Variants in MTA3 observed in about 807,000 individuals in gnomAD.
MTA3 encodes metastasis associated 1 family member 3, also known as metastasis-associated protein MTA3.
MTA3 carries 34 observed loss-of-function variants against 83.5 expected under a neutral mutation model. The ratio of observed to expected loss-of-function variants is 0.41; its 90% CI spans 0.31 to 0.54. MTA3 has a LOEUF of 0.54. Among genes scored for constraint, MTA3 ranks in the 20% least tolerant of loss-of-function variants. MTA3 has a pLI of 0.33. For missense variants in MTA3, 761 were observed against 726.4 expected (o/e 1.05, Z -0.55); for synonymous variants, 303 against 252.7 (o/e 1.20, Z -1.89).
chr2:42,587,508 G>A (rs776380711), intron 3 of MTA3, among the ~76,000 whole-genome samples: 2 of 151,956 alleles, frequency 1.3e-5, no homozygotes, highest in African/African-American at 2.4e-5. Flanking sequence ...GTATACACAC[G>A]TTCTTTCCTT....
rs368720301 is a variant in MTA3, at chr2:42,752,503, T to TTTACTTGTCTCTGCTGTA, written c.1760-870_1760-853dup. On this transcript the variant is annotated intron_variant, in intron 16 of 16. Transcript: ENST00000405094. ...TTTGCAGGCCACTTCTGCTTTTTCATTTACTTGTCTCTGCTGTAGTCTCCA... is the reference window on the plus strand; with the variant it reads ...TTTGCAGGCCACTTCTGCTTTTTCATTTACTTGTCTCTGCTGTATTACTTGTCTCTGCTGTAGTCTCCA... Among the ~76,000 whole-genome samples the TTTACTTGTCTCTGCTGTA allele has an allele frequency of 7.9e-3, 1,203 of 152,304 alleles. 14 individuals are homozygous for TTTACTTGTCTCTGCTGTA. Among genetic ancestry groups the TTTACTTGTCTCTGCTGTA allele is most frequent in the African/African-American group, 0.027 (1,103 of 41,552 alleles).
At chr2:42,752,262 T>TG (rs1669930597) in intron 16 of MTA3, 1 of 471,334 alleles carries the variant, frequency 2.1e-6, no homozygotes, top group Non-Finnish European at 4.4e-6. Flanking sequence ...GACACAGCTC[T>TG]GCTCCATCCT....
chr2:42,752,523 T>C (rs530401555), intron 16 of MTA3, among the ~76,000 whole-genome samples: 3 of 152,152 alleles, frequency 2.0e-5, no homozygotes, highest in African/African-American at 4.8e-5. Flanking sequence ...TCTGCTGTAG[T>C]CTCCAGATGG....
At chr2:42,512,026 A>T (rs945498264) in intron 2 of MTA3, among the ~76,000 whole-genome samples, 2 of 151,600 alleles carry the variant, frequency 1.3e-5, no homozygotes, top group Non-Finnish European at 2.9e-5. Flanking sequence ...CAAAAAAAAT[A>T]AATAAATAAA....
chr2:42,581,592 G>A (rs1371856136), intron 3 of MTA3, among the ~76,000 whole-genome samples: 2 of 150,056 alleles, frequency 1.3e-5, no homozygotes, highest in Non-Finnish European at 3.0e-5. Context: ...TATGTTGCCA[G>A]GGTGGGTCTC....
chr2:42,667,145 G>A (rs755005487), intron 8 of MTA3, among the ~76,000 whole-genome samples: 3 of 152,234 alleles, frequency 2.0e-5, no homozygotes, highest in African/African-American at 7.2e-5. Flanking sequence ...CTGGGATCAA[G>A]CAATCCTCTT....
upstream of MTA3, among the ~76,000 whole-genome samples, chr2:42,567,492 T>C (rs1677969057): frequency 1.3e-5 from 2 of 152,292 alleles, no homozygotes; most frequent in Admixed American, 1.3e-4. Context: ...CACACAGCTG[T>C]GTATCACCAC....
At chr2:42,652,044 C>T (rs1176244087) in intron 6 of MTA3, among the ~76,000 whole-genome samples, 1 of 151,752 alleles carries the variant, frequency 6.6e-6, no homozygotes, top group African/African-American at 2.4e-5. Context: ...TTGCAGTGAG[C>T]CAAGATCACG....
At position 42,575,817 on chromosome 2, in the gene MTA3, C is replaced by A. The variant is rs1438836626; in HGVS notation, c.97-3290C>A. On this transcript the variant is annotated intron_variant, in intron 2 of 16. Coordinates refer to ENST00000405094, the MANE Select transcript of MTA3 (RefSeq NM_001330442.2). ...CTAGGTGAACATAGCTTATTTCACA[C>A]TCCTTTATCATTTCATGGCCATTCA... Among the ~76,000 whole-genome samples, 5 of 152,300 alleles carry A rather than the reference C, an allele frequency of 3.3e-5. No individual in the cohort carries two copies. The East Asian group carries it at 9.6e-4, about 29-fold the overall frequency.
At chr2:42,743,448 A>G (rs906705856) in intron 16 of MTA3, among the ~76,000 whole-genome samples, 2 of 152,182 alleles carry the variant, frequency 1.3e-5, no homozygotes, top group Admixed American at 1.3e-4. Flanking sequence ...GGCTCAGAAG[A>G]GAGATGAGTT....
Position 42,651,068 on chromosome 2 carries a change from T to TACA in MTA3, c.500-5130_500-5129insAAC, listed in dbSNP as rs145989222. On this transcript the variant is annotated intron_variant, in intron 6 of 16. Transcript: ENST00000405094. ...CAGGCTACAAACCTGTACAGCATGTTACTATACTGAATACTGTAGGGAATT... is the reference window on the plus strand; with the variant it reads ...CAGGCTACAAACCTGTACAGCATGTTACAACTATACTGAATACTGTAGGGAATT... Among the ~76,000 whole-genome samples, 216 of 152,350 alleles carry TACA rather than the reference T, an allele frequency of 1.4e-3. 2 individuals carry two copies. The East Asian group carries it at 0.025, about 18-fold the overall frequency.
At chr2:42,677,098 G>A (rs186840675) in intron 8 of MTA3, among the ~76,000 whole-genome samples, 2 of 152,058 alleles carry the variant, frequency 1.3e-5, no homozygotes, top group Admixed American at 6.5e-5. Flanking sequence ...TATAAATTAG[G>A]CACAGTAAGA....
chr2:42,724,046 CT>C (rs1326712846), intron 16 of MTA3, among the ~76,000 whole-genome samples: 3 of 152,044 alleles, frequency 2.0e-5, no homozygotes, highest in African/African-American at 7.2e-5. Flanking sequence ...GAAACACTTC[CT>C]TTCTAATGAG....
intron 2 of MTA3, among the ~76,000 whole-genome samples, chr2:42,530,242 C>T (rs753391040): frequency 6.6e-6 from 1 of 151,268 alleles, no homozygotes; most frequent in Non-Finnish European, 1.5e-5. Flanking sequence ...GTAATCCCAG[C>T]ACTTTGGGAG....
chr2:42,615,041 G>C (rs1034120596), intron 4 of MTA3, among the ~76,000 whole-genome samples: 1 of 150,434 alleles, frequency 6.6e-6, no homozygotes, highest in Non-Finnish European at 1.5e-5. Context: ...CTGTAATCCC[G>C]GCACTTCTGG....
chr2:42,587,371 G>A (rs1680464960), intron 3 of MTA3, among the ~76,000 whole-genome samples: 1 of 152,014 alleles, frequency 6.6e-6, no homozygotes, highest in African/African-American at 2.4e-5. Flanking sequence ...AATGTATTCA[G>A]TGTAAAAACT....
chr2:42,513,461 C>A (rs937385254), intron 2 of MTA3, among the ~76,000 whole-genome samples: 1 of 152,098 alleles, frequency 6.6e-6, no homozygotes, highest in African/African-American at 2.4e-5. Context: ...ATGACTTCAC[C>A]CAGGAAAAGG....
In MTA3 at chr2:42,547,485, C is replaced by A. The variant is rs183280509; in HGVS notation, c.-140-22952C>A. Among the ~76,000 whole-genome samples, 3 of 152,354 alleles carry A rather than the reference C, an allele frequency of 2.0e-5. No individual in the cohort carries two copies. In the East Asian group the frequency reaches 5.8e-4, roughly 29 times the overall value. Reference sequence around the variant, plus strand: ...AGCTGGGATTACAGGCACGCGCCAACGCGCCCGGCTAATTTTTGTATTTTT... The same window carrying A: ...AGCTGGGATTACAGGCACGCGCCAAAGCGCCCGGCTAATTTTTGTATTTTT... On this transcript the variant is annotated intron_variant, in intron 2 of 17. Coordinates refer to the MTA3 transcript ENST00000405592.
chr2:42,595,682 A>G (rs1573139279), intron 3 of MTA3, among the ~76,000 whole-genome samples: 2 of 152,234 alleles, frequency 1.3e-5, no homozygotes, highest in Non-Finnish European at 1.5e-5. Flanking sequence ...CTACCTTCCC[A>G]TGTTTAAGTA....
Sources: gnomAD v4.1 joint callset for allele counts (sites outside exome capture counted in the v4.1 genomes callset) on GRCh38, gnomAD v4.1.1 for gene constraint, MANE v1.5 for transcripts, NCBI Gene and HGNC (gene_info 2026-07-23, HGNC 2026-07-21) for gene names.